KHDRBS2: variants seen among roughly 807,000 people sequenced by gnomAD.
KHDRBS2 encodes the protein KH RNA binding domain containing, signal transduction associated 2.
In KHDRBS2, 26 loss-of-function variants were observed where a neutral mutation model predicts 44.3. That is an observed-to-expected ratio of 0.59 (90% CI 0.43 to 0.81). The LOEUF is 0.81. Among genes scored for constraint, KHDRBS2 ranks in the 40% least tolerant of loss-of-function variants. The pLI, the probability that KHDRBS2 is intolerant of heterozygous loss-of-function variation, is 0.00. For synonymous variants in KHDRBS2, 194 were observed against 151.1 expected (o/e 1.28, Z -2.08); for missense variants, 476 against 433.1 (o/e 1.10, Z -0.88).
At chr6:62,059,033 A>G (rs1190682099) in intron 2 of KHDRBS2, among the ~76,000 whole-genome samples, 1 of 151,560 alleles carries the variant, frequency 6.6e-6, no homozygotes, top group Non-Finnish European at 1.5e-5. Flanking sequence ...AAATATAAAT[A>G]CCTCTTTCAG....
intron 6 of KHDRBS2, among the ~76,000 whole-genome samples, chr6:61,761,048 C>T (rs1479936654): frequency 1.3e-5 from 2 of 152,176 alleles, no homozygotes; most frequent in East Asian, 3.9e-4. Context: ...GCTTTGCCTT[C>T]CGAATATCTT....
intron 4 of KHDRBS2, among the ~76,000 whole-genome samples, chr6:61,902,096 C>T (rs1253671706): frequency 2.0e-5 from 3 of 152,110 alleles, no homozygotes; most frequent in African/African-American, 7.2e-5. Flanking sequence ...ACTGGAATTA[C>T]AGGCACACCA....
chr6:61,574,451 C>T, the KHDRBS2 span: 3,340 of 1,417,012 alleles, frequency 2.4e-3, 64 homozygotes, highest in African/African-American at 0.043. Flanking sequence ...CCAATGCAAA[C>T]AACACCCAAT....
intron 2 of KHDRBS2, among the ~76,000 whole-genome samples, chr6:62,062,620 T>A (rs1190284711): frequency 1.3e-5 from 2 of 148,790 alleles, no homozygotes; most frequent in African/African-American, 2.5e-5. Flanking sequence ...CTGGGACGCA[T>A]TCAAAGCAGT....
intron 1 of KHDRBS2, among the ~76,000 whole-genome samples, chr6:62,203,953 T>C (rs1321586225): frequency 1.3e-5 from 2 of 152,120 alleles, no homozygotes; most frequent in Non-Finnish European, 2.9e-5. Flanking sequence ...TCTCACTCTA[T>C]TAATTCACAT....
At chr6:62,025,646 T>G (rs1020562381) in intron 3 of KHDRBS2, among the ~76,000 whole-genome samples, 2 of 152,088 alleles carry the variant, frequency 1.3e-5, no homozygotes, top group East Asian at 3.9e-4. Flanking sequence ...TTTTAATACT[T>G]TTTTTGGTAG....
rs1256911285 is a variant in KHDRBS2 at position 61,768,168 on chromosome 6, T to C, written c.811-35404A>G. On this transcript the variant is annotated intron_variant, in intron 6 of 8. Coordinates refer to ENST00000281156, the MANE Select transcript of KHDRBS2 (RefSeq NM_152688.4). ...ACTTTAAATATGTCATGCTACTTTC[T>C]CCTGGCCTGTAAGGTTTCCACTGAA... 2.0e-5 allele frequency among the ~76,000 whole-genome samples: 3 copies of C among 152,176 alleles called. No homozygotes were observed. The East Asian group carries it at 5.8e-4, about 29-fold the overall frequency.
intron 1 of KHDRBS2, among the ~76,000 whole-genome samples, chr6:62,276,681 TATG>T (rs1375649199): frequency 1.3e-5 from 2 of 152,380 alleles, no homozygotes; most frequent in South Asian, 2.1e-4. Context: ...ACTTATATTT[TATG>T]ATATCATATA....
intron 2 of KHDRBS2, among the ~76,000 whole-genome samples, chr6:62,062,823 A>G (rs949229062): frequency 1.2e-3 from 183 of 148,580 alleles, no homozygotes; most frequent in African/African-American, 4.3e-3. Context: ...CCCTTCAAAA[A>G]ATCAATGAAT....
intron 6 of KHDRBS2, among the ~76,000 whole-genome samples, chr6:61,764,457 G>A (rs554660747): frequency 6.6e-6 from 1 of 152,190 alleles, no homozygotes; most frequent in African/African-American, 2.4e-5. Context: ...AATAATGACA[G>A]TTTTACTATT....
chr6:61,774,838 A>T (rs1781669004), intron 6 of KHDRBS2, among the ~76,000 whole-genome samples: 1 of 152,160 alleles, frequency 6.6e-6, no homozygotes, highest in East Asian at 1.9e-4. Flanking sequence ...GACACAACCA[A>T]AAAAGAGAAT....
At chr6:61,584,480 A>G in the KHDRBS2 span, among the ~76,000 whole-genome samples, 1 of 151,862 alleles carries the variant, frequency 6.6e-6, no homozygotes, top group African/African-American at 2.4e-5. Context: ...TGCTAAAGTG[A>G]TTAACTATAT....
At chr6:61,996,911 T>C (rs1777300028) in intron 3 of KHDRBS2, among the ~76,000 whole-genome samples, 1 of 150,760 alleles carries the variant, frequency 6.6e-6, no homozygotes, top group Non-Finnish European at 1.5e-5. Context: ...GCCTCTGGAG[T>C]AGCTGTGATT....
chr6:61,576,813 T>C, the KHDRBS2 span, among the ~76,000 whole-genome samples: 1 of 152,280 alleles, frequency 6.6e-6, no homozygotes, highest in African/African-American at 2.4e-5. Context: ...AAGTACTTAT[T>C]TAGCAACCTC....
At position 61,681,014 on chromosome 6, in the gene KHDRBS2, C is replaced by T. The variant is rs147572217; in HGVS notation, c.999G>A (p.Pro333=). 308 of 1,611,708 alleles carry T rather than the reference C, an allele frequency of 1.9e-4. No individual in the cohort carries two copies. Among genetic ancestry groups the T allele is most frequent in the Non-Finnish European group, 2.4e-4 (288 of 1,178,626 alleles). The change falls in exon 9 of 9, where the codon CCG becomes CCA. Residue 333 remains proline (P), a synonymous_variant. Transcript: ENST00000281156. ...ATTRSSLKAP[P]QRSARGGYRE... ...TGTATCCCCCTCTGGCTGACCTTTG[C>T]GGTGGTGCCTTCAAGCTAGAGCGGG... is the stretch of plus-strand genomic sequence containing the variant.
the KHDRBS2 span, among the ~76,000 whole-genome samples, chr6:61,627,242 G>A: frequency 2.1e-5 from 2 of 96,250 alleles, no homozygotes; most frequent in Admixed American, 3.3e-4. Flanking sequence ...GACAGAGCGA[G>A]ACTCCGTCTC....
intron 3 of KHDRBS2, among the ~76,000 whole-genome samples, chr6:61,983,200 T>TTTTCTTCTTTTCTTTCTTTCTTTCTTTC (rs1774250903): frequency 2.2e-5 from 1 of 45,988 alleles, no homozygotes; most frequent in Non-Finnish European, 3.8e-5. Flanking sequence ...GTTTTTTTCA[T>TTTTCTTCTTTTCTTTCTTTCTTTCTTTC]TTTCTTTCTT....
intron 4 of KHDRBS2, among the ~76,000 whole-genome samples, chr6:61,955,852 T>C (rs1158301068): frequency 6.6e-6 from 1 of 152,098 alleles, no homozygotes; most frequent in African/African-American, 2.4e-5. Flanking sequence ...AGCACTATAA[T>C]TATCTCATTT....
intron 7 of KHDRBS2, among the ~76,000 whole-genome samples, chr6:61,707,074 T>G (rs1178483412): frequency 6.6e-6 from 1 of 151,624 alleles, no homozygotes; most frequent in African/African-American, 2.4e-5. Flanking sequence ...ACAGATGACA[T>G]TACACTGAAA....
Sources: gnomAD v4.1 joint callset for allele counts (sites outside exome capture counted in the v4.1 genomes callset) on GRCh38, gnomAD v4.1.1 for gene constraint, MANE v1.5 for transcripts, NCBI Gene and HGNC (gene_info 2026-07-23, HGNC 2026-07-21) for gene names.